Variants in KCNQ1OT1 observed in about 807,000 individuals in gnomAD.
KCNQ1OT1 encodes the protein KCNQ1 antisense RNA 2 (non-protein coding).
Position 2,690,670 on chromosome 11 carries a change from T to C in KCNQ1OT1, n.9325A>G, listed in dbSNP as rs1454959152. ...GTCAGTGTATGTGTGTCAGTGCACA[T>C]AGGTATAGGGGCTGTCTCTCAGAAT... On this transcript the variant is annotated non_coding_transcript_exon_variant, in exon 1 of 1. Coordinates refer to ENST00000597346, the Ensembl canonical transcript of KCNQ1OT1. This position sits in a 1 kb window ranked among gnomAD's most constrained non-coding sequence, Gnocchi z 5.1. 19 of 398,510 alleles carry C rather than the reference T, an allele frequency of 4.8e-5. No homozygotes were observed. Among genetic ancestry groups the C allele is most frequent in the Non-Finnish European group, 7.1e-5 (16 of 226,086 alleles). 24.7% of individuals were successfully genotyped at this position (398,510 alleles called of 1,614,324 possible).
Position 2,661,787 on chromosome 11 carries a change from C to T in KCNQ1OT1, n.38208G>A, listed in dbSNP as rs1849960484. 2.8e-6 allele frequency: 2 copies of T among 718,644 alleles called. No homozygotes were observed. Among genetic ancestry groups the T allele is most frequent in the East Asian group, 5.4e-5 (2 of 37,170 alleles). The allele number at this position is 718,644 out of a possible 1,614,324, so 44.5% of individuals were successfully genotyped here. A position where few individuals can be genotyped will look rare whatever the true frequency, so the allele number is the denominator to read the frequency against. Reference sequence around the variant, plus strand: ...ACTGAGGTGTCAGGCACTTTGGGGCCATCTTAAACACCCACCCACCCCAAC... The same window carrying T: ...ACTGAGGTGTCAGGCACTTTGGGGCTATCTTAAACACCCACCCACCCCAAC... On this transcript the variant is annotated non_coding_transcript_exon_variant, in exon 1 of 1. Coordinates refer to ENST00000597346, the Ensembl canonical transcript of KCNQ1OT1. This position sits in a 1 kb window ranked among gnomAD's most constrained non-coding sequence, Gnocchi z 5.9.
exon 1 of KCNQ1OT1, chr11:2,693,925 G>A (rs957342197): frequency 1.5e-5 from 6 of 398,598 alleles, no homozygotes; most frequent in African/African-American, 4.1e-5. Context: ...ACCTGGATCC[G>A]GTATCCGCTG....
Position 2,620,008 on chromosome 11 carries a change from A to T in KCNQ1OT1, n.79987T>A, listed in dbSNP as rs1221193343. ...TACCCAATAGGTAGGTTTTCAGCCC[A>T]CCTCTCCATTCCTCCCCCAAGTAGT... On this transcript the variant is annotated non_coding_transcript_exon_variant, in exon 1 of 1. Coordinates refer to ENST00000597346, the Ensembl canonical transcript of KCNQ1OT1. This position sits in a 1 kb window ranked among gnomAD's most constrained non-coding sequence, Gnocchi z 4.5. 2.0e-5 allele frequency: 8 copies of T among 397,360 alleles called. No homozygotes were observed. The highest frequency in any genetic ancestry group is 4.4e-5 in the Admixed American group (1 of 22,610). The allele number at this position is 397,360 out of a possible 1,614,324, so 24.6% of individuals were successfully genotyped here.
chr11:2,643,507 A>T (rs1849611969), exon 1 of KCNQ1OT1: 1 of 398,322 alleles, frequency 2.5e-6, no homozygotes, highest in African/African-American at 2.1e-5. Context: ...TGCATGTAAT[A>T]TCTTTTCCCA....
chr11:2,635,544 TCTGTTTTGGTACCAGTACCATG>T (rs1411401479), exon 1 of KCNQ1OT1: 1 of 152,182 alleles, frequency 6.6e-6, no homozygotes, highest in Non-Finnish European at 1.5e-5. Flanking sequence ...GGTCTATATC[TCTGTTTTGGTACCAGTACCATG>T]CTGTTTTGGT....
exon 1 of KCNQ1OT1, chr11:2,639,436 G>T (rs1247806922): frequency 2.0e-5 from 3 of 152,194 alleles, no homozygotes; most frequent in African/African-American, 7.2e-5. Flanking sequence ...TAACAGTCAG[G>T]ACCCTCAGCT....
rs1193488371 is a variant in KCNQ1OT1 at position 2,676,315 on chromosome 11, C to T, written n.23680G>A. On this transcript the variant is annotated non_coding_transcript_exon_variant, in exon 1 of 1. Coordinates refer to ENST00000597346, the Ensembl canonical transcript of KCNQ1OT1. The surrounding 1 kb of genome is among the most constrained non-coding windows in gnomAD (Gnocchi z 4.2). The stretch of plus-strand genomic sequence containing the variant: ...AGACACACGTGTGAACAGGTGATGG[C>T]TCTGAACAGTGTAGTTGAAGTGCTG... 7.5e-6 allele frequency: 3 copies of T among 398,506 alleles called. No homozygotes were observed. The highest frequency in any genetic ancestry group is 6.2e-5 in the African/African-American group (3 of 48,638). 24.7% of individuals were successfully genotyped at this position (398,506 alleles called of 1,614,324 possible). A position where few individuals can be genotyped will look rare whatever the true frequency, so the allele number is the denominator to read the frequency against.
rs746877883 is a variant in KCNQ1OT1, at chr11:2,679,896, T to C, written n.20099A>G. 202 of 398,062 alleles carry C rather than the reference T, an allele frequency of 5.1e-4. No homozygotes were observed. The highest frequency in any genetic ancestry group is 3.8e-3 in the Middle Eastern group (6 of 1,588). 24.7% of individuals were successfully genotyped at this position (398,062 alleles called of 1,614,324 possible). A position where few individuals can be genotyped will look rare whatever the true frequency, so the allele number is the denominator to read the frequency against. ...GAACTAGCACGCCTAATTTTTTTTT[T>C]ATTTTTATTTTTTTTGAGGCAGAGT... On this transcript the variant is annotated non_coding_transcript_exon_variant, in exon 1 of 1. Coordinates refer to ENST00000597346, the Ensembl canonical transcript of KCNQ1OT1. This position sits in a 1 kb window ranked among gnomAD's most constrained non-coding sequence, Gnocchi z 4.8.
At chr11:2,641,393 G>C (rs1849574659) in exon 1 of KCNQ1OT1, 2 of 397,184 alleles carry the variant, frequency 5.0e-6, no homozygotes, top group South Asian at 1.3e-4. Context: ...CTGATGTTGG[G>C]CTTTTTTTTT....
chr11:2,667,572 G>C (rs1850101356), exon 1 of KCNQ1OT1: 2 of 397,344 alleles, frequency 5.0e-6, no homozygotes, highest in Non-Finnish European at 8.9e-6. Flanking sequence ...GGCAGTTGGG[G>C]CAGGGGGTCG....
rs964468326 is a variant in KCNQ1OT1 at position 2,650,428 on chromosome 11, G to A, written n.49567C>T. Reference sequence around the variant, plus strand: ...CTTAGTAAGGACTTTTCCTGTACACGCGTCTGTAGTATCATTTGGGTAGGG... The same window carrying A: ...CTTAGTAAGGACTTTTCCTGTACACACGTCTGTAGTATCATTTGGGTAGGG... On this transcript the variant is annotated non_coding_transcript_exon_variant, in exon 1 of 1. Coordinates refer to ENST00000597346, the Ensembl canonical transcript of KCNQ1OT1. 1.0e-4 allele frequency: 41 copies of A among 398,348 alleles called. No homozygotes were observed. In the East Asian group the frequency reaches 1.3e-3, roughly 13 times the overall value. 24.7% of individuals were successfully genotyped at this position (398,348 alleles called of 1,614,324 possible).
exon 1 of KCNQ1OT1, chr11:2,638,215 T>C (rs1021614918): frequency 6.6e-6 from 1 of 151,884 alleles, no homozygotes; most frequent in Middle Eastern, 3.4e-3. Context: ...ATTTGATCCA[T>C]TATGATGTTA....
chr11:2,633,601 A>G, exon 1 of KCNQ1OT1: 1 of 398,470 alleles, frequency 2.5e-6, no homozygotes, highest in Non-Finnish European at 4.4e-6. Context: ...TGTTTTCCCA[A>G]CATGATGTGT....
At chr11:2,637,503 T>A (rs1042823430) in exon 1 of KCNQ1OT1, 3 of 152,220 alleles carry the variant, frequency 2.0e-5, no homozygotes, top group Non-Finnish European at 4.4e-5. Context: ...TTTGAGTGAG[T>A]TTCTTAATCC....
chr11:2,688,382 A>G (rs1339787710), exon 1 of KCNQ1OT1: 2 of 398,730 alleles, frequency 5.0e-6, no homozygotes, highest in Non-Finnish European at 8.8e-6. Flanking sequence ...AGAGGTTTCA[A>G]TAACTGCCAT....
Position 2,624,617 on chromosome 11 carries a change from T to C in KCNQ1OT1, n.75378A>G, listed in dbSNP as rs1377159697. 3 of 398,444 alleles carry C rather than the reference T, an allele frequency of 7.5e-6. No homozygotes were observed. The highest frequency in any genetic ancestry group is 6.2e-5 in the African/African-American group (3 of 48,630). The allele number at this position is 398,444 out of a possible 1,614,324, so 24.7% of individuals were successfully genotyped here. ...AAATTACCATCCTAACCAATTTTAG[T>C]GTACAATTCAGTGAATGTATTAGAT... is the stretch of plus-strand genomic sequence containing the variant. On this transcript the variant is annotated non_coding_transcript_exon_variant, in exon 1 of 1. Transcript: ENST00000597346. This position sits in a 1 kb window ranked among gnomAD's most constrained non-coding sequence, Gnocchi z 4.9.
In KCNQ1OT1 at chr11:2,687,188, C is replaced by A; in HGVS notation, n.12807G>T. 2.5e-6 allele frequency: 1 copy of A among 398,676 alleles called. No homozygotes were observed. The highest frequency in any genetic ancestry group is 4.4e-6 in the Non-Finnish European group (1 of 226,066). 24.7% of individuals were successfully genotyped at this position (398,676 alleles called of 1,614,324 possible). A position where few individuals can be genotyped will look rare whatever the true frequency, so the allele number is the denominator to read the frequency against. On this transcript the variant is annotated non_coding_transcript_exon_variant, in exon 1 of 1. Coordinates refer to ENST00000597346, the Ensembl canonical transcript of KCNQ1OT1. This position sits in a 1 kb window ranked among gnomAD's most constrained non-coding sequence, Gnocchi z 5.0. ...CACAGAAGTCTGCCAAAAGCCCAGG[C>A]TGGATAGGGAGCATCACACTGTTGG...
exon 1 of KCNQ1OT1, chr11:2,629,134 C>G (rs1437023396): frequency 7.5e-6 from 3 of 398,014 alleles, no homozygotes; most frequent in African/African-American, 6.2e-5. Flanking sequence ...GAAAAAAAGT[C>G]ACTGGAAATT....
rs1306268945 is a variant in KCNQ1OT1, at chr11:2,682,518, AGGTC to A, written n.17473_17476del. ...AGTGAGTGAGTGAGTACTTGTGCCCAGGTCAAACCAGGTGCTAGGACCCTGGCAG... is the reference window on the plus strand; with the variant it reads ...AGTGAGTGAGTGAGTACTTGTGCCCAAAACCAGGTGCTAGGACCCTGGCAG... On this transcript the variant is annotated non_coding_transcript_exon_variant, in exon 1 of 1. Coordinates refer to ENST00000597346, the Ensembl canonical transcript of KCNQ1OT1. The surrounding 1 kb of genome is among the most constrained non-coding windows in gnomAD (Gnocchi z 5.8). 2.7e-6 allele frequency: 1 copy of A among 374,694 alleles called. No individual in the cohort carries two copies. The highest frequency in any genetic ancestry group is 4.6e-6 in the Non-Finnish European group (1 of 218,482). The allele number at this position is 374,694 out of a possible 1,614,324, so 23.2% of individuals were successfully genotyped here.
Sources: gnomAD v4.1 joint callset for allele counts on GRCh38, gnomAD v4.1.1 for gene constraint, Gnocchi (gnomAD v3.1) non-coding constraint, MANE v1.5 for transcripts, NCBI Gene and HGNC (gene_info 2026-07-23, HGNC 2026-07-21) for gene names.